The following AKAP9 variants were observed in gnomAD, a reference collection of about 807,000 sequenced individuals.
AKAP9 encodes the protein A-kinase anchoring protein 9.
A neutral mutation model predicts 488.5 loss-of-function variants in AKAP9; 311 were observed. The ratio of observed to expected loss-of-function variants is 0.64; its 90% CI spans 0.58 to 0.70. The LOEUF is 0.70. Ranked by LOEUF, AKAP9 falls within the 30% of genes least tolerant of loss-of-function variation. The probability of loss-of-function intolerance (pLI) is 0.00; values close to 1 mark genes in which losing one functional copy is unlikely to be tolerated. For missense variants in AKAP9, 4,215 were observed against 4,374.5 expected (o/e 0.96, Z 1.03); for synonymous variants, 1,462 against 1,483.5 (o/e 0.99, Z 0.33).
intron 3 of AKAP9, among the ~76,000 whole-genome samples, chr7:91,989,901 A>G (rs372789771): frequency 3.3e-5 from 5 of 152,184 alleles, no homozygotes; most frequent in East Asian, 1.9e-4. Flanking sequence ...CACCACAAGG[A>G]TGAGTTTTTA....
intron 8 of AKAP9, among the ~76,000 whole-genome samples, chr7:92,007,834 AT>A (rs2130687475): frequency 6.6e-6 from 1 of 152,354 alleles, no homozygotes; most frequent in Non-Finnish European, 1.5e-5. Flanking sequence ...AGTCAAGAAT[AT>A]TTTTGAAAAA....
At chr7:92,051,238 T>A (rs963113589) in intron 21 of AKAP9, among the ~76,000 whole-genome samples, 1 of 152,210 alleles carries the variant, frequency 6.6e-6, no homozygotes, top group Non-Finnish European at 1.5e-5. Flanking sequence ...GTTCCCATCG[T>A]ATCACACTGT....
chr7:91,972,908 T>C lies in AKAP9; in HGVS notation c.49-803T>C, dbSNP rs191031920. Among the ~76,000 whole-genome samples the C allele has an allele frequency of 3.9e-3, 583 of 150,398 alleles. 3 individuals are homozygous for C. The highest frequency in any genetic ancestry group is 0.014 in the African/African-American group (561 of 41,366). ...TGTTTGATATTTAAGTTATTTCCAG[T>C]TTTTTTTCCCATTATGAATAAGGCT... is the stretch of plus-strand genomic sequence containing the variant. On this transcript the variant is annotated intron_variant, in intron 1 of 49. Transcript: ENST00000356239.
chr7:92,033,751 C>G (rs1468424209), intron 16 of AKAP9, among the ~76,000 whole-genome samples: 1 of 152,110 alleles, frequency 6.6e-6, no homozygotes, highest in Non-Finnish European at 1.5e-5. Context: ...AATCATTTTT[C>G]TAAAAGCACA....
In AKAP9 at chr7:92,102,685, A is replaced by G. The variant is rs372297197; in HGVS notation, c.11189A>G (p.Gln3730Arg). 1.4e-5 allele frequency: 22 copies of G among 1,614,240 alleles called. 1 individual carries two copies. The highest frequency in any genetic ancestry group is 2.2e-5 in the East Asian group (1 of 44,878). Reference protein sequence around the residue: ...KYLLLLLGGFQECEDATLALL... With the variant: ...KYLLLLLGGFRECEDATLALL... ...CTGCTGCTGTTACTGGGTGGGTTCC[A>G]GGAATGTGAAGATGCCACCTTGGCC... The change falls in exon 46 of 50, where the codon CAG (glutamine) becomes CGG (arginine). Residue 3730 changes from glutamine (Q) to arginine (R), a missense_variant. By Grantham distance (43) the Gln-to-Arg change is conservative. This residue lies in a region of AKAP9 where 253 missense variants were observed against 266.8 expected (regional missense o/e 0.95). Coordinates refer to ENST00000356239, the MANE Select transcript of AKAP9 (RefSeq NM_005751.5).
chr7:91,964,009 C>T (rs1584604126), intron 1 of AKAP9, among the ~76,000 whole-genome samples: 1 of 151,910 alleles, frequency 6.6e-6, no homozygotes, highest in East Asian at 1.9e-4. Flanking sequence ...CTCAGAATGA[C>T]CAAAGAGCTC....
chr7:92,042,514 C>G (rs554939523), intron 19 of AKAP9, among the ~76,000 whole-genome samples, 154 bp from the exon 20 acceptor site: 3 of 152,140 alleles, frequency 2.0e-5, no homozygotes, highest in Non-Finnish European at 4.4e-5. Flanking sequence ...ACACTAATCT[C>G]GAGTGTAGTT....
At chr7:92,054,151 T>G (rs1808399971) in intron 22 of AKAP9, among the ~76,000 whole-genome samples, 1 of 152,192 alleles carries the variant, frequency 6.6e-6, no homozygotes, top group South Asian at 2.1e-4. Context: ...CTTCCATGGA[T>G]AGATGTTTAA....
chr7:92,005,869 A>G (rs558247187), intron 8 of AKAP9, among the ~76,000 whole-genome samples: 6 of 152,014 alleles, frequency 3.9e-5, no homozygotes, highest in Non-Finnish European at 4.4e-5. Flanking sequence ...AGGTTTCACC[A>G]TGTTGGCCAG....
chr7:92,098,305 C>T (rs1816962176), intron 43 of AKAP9, 91 bp downstream of exon 43: 2 of 721,266 alleles, frequency 2.8e-6, no homozygotes, highest in South Asian at 1.6e-5. Flanking sequence ...ATTCTTTATA[C>T]TCTTTATAGA....
intron 21 of AKAP9, 81 bp from the exon 22 acceptor site, chr7:92,052,645 T>G: frequency 1.0e-6 from 1 of 958,488 alleles, no homozygotes; most frequent in Non-Finnish European, 1.6e-6. Context: ...TGATTTCCAG[T>G]TTAGTTTGAT....
Position 92,061,307 on chromosome 7 carries a change from T to C in AKAP9, c.5649T>C (p.Phe1883=). 1.2e-6 allele frequency: 2 copies of C among 1,613,118 alleles called. No individual in the cohort carries two copies. The highest frequency in any genetic ancestry group is 1.7e-6 in the Non-Finnish European group (2 of 1,179,394). Residue 1883 remains phenylalanine (F), a synonymous_variant, in exon 23 of 50, where the codon TTT becomes TTC. Transcript: ENST00000356239. ...AGACAGAGTTGATGCGTGAGTCATTTAGACAGAAACAAGAAGCAACAGAGT... is the reference window on the plus strand; with the variant it reads ...AGACAGAGTTGATGCGTGAGTCATTCAGACAGAAACAAGAAGCAACAGAGT... ...VTQTELMRES[F]RQKQEATESL...
chr7:92,080,461 G>A (rs1008531074), intron 31 of AKAP9, among the ~76,000 whole-genome samples: 1 of 152,048 alleles, frequency 6.6e-6, no homozygotes, highest in African/African-American at 2.4e-5. Flanking sequence ...ATCCGGGCGT[G>A]GTGGTGGGTG....
intron 22 of AKAP9, among the ~76,000 whole-genome samples, chr7:92,055,989 G>C (rs1352202379): frequency 1.3e-5 from 2 of 151,846 alleles, no homozygotes; most frequent in Non-Finnish European, 2.9e-5. Context: ...ATGGAAGCAA[G>C]TTTTACATGC....
intron 21 of AKAP9, among the ~76,000 whole-genome samples, chr7:92,049,555 G>A (rs553044240): frequency 2.0e-5 from 3 of 152,128 alleles, no homozygotes; most frequent in Non-Finnish European, 4.4e-5. Flanking sequence ...AGCTTTCAGT[G>A]AGCGGAGATC....
chr7:92,046,667 G>A (rs1380509931), intron 21 of AKAP9, among the ~76,000 whole-genome samples: 1 of 152,136 alleles, frequency 6.6e-6, no homozygotes, highest in African/African-American at 2.4e-5. Context: ...CTTCACTCTT[G>A]GTTAAGCTCT....
chr7:92,077,092 C>CTTT lies in AKAP9; in HGVS notation c.6765+86_6765+88dup, dbSNP rs201649179. 2.9e-3 allele frequency: 883 copies of CTTT among 300,112 alleles called. 19 individuals are homozygous for CTTT. Among genetic ancestry groups the CTTT allele is most frequent in the African/African-American group, 5.3e-3 (173 of 32,668 alleles). 18.6% of individuals were successfully genotyped at this position (300,112 alleles called of 1,614,324 possible). On this transcript the variant is annotated intron_variant, in intron 29 of 49. Coordinates refer to ENST00000356239, the MANE Select transcript of AKAP9 (RefSeq NM_005751.5). ...TTTATTATTATTATTATTATTATTT[C>CTTT]TTTCTTTTTTTTTTTTTTTTTGAGA...
chr7:92,066,135 G>A (rs1176108428), intron 25 of AKAP9, among the ~76,000 whole-genome samples: 1 of 151,898 alleles, frequency 6.6e-6, no homozygotes, highest in African/African-American at 2.4e-5. Flanking sequence ...TTCATTTTAA[G>A]GTGAATATTT....
chr7:91,980,190 G>T, intron 2 of AKAP9, 99 bp from the exon 3 acceptor site: 2 of 642,392 alleles, frequency 3.1e-6, no homozygotes, highest in South Asian at 2.6e-5. Flanking sequence ...TATTTTATGT[G>T]ACTTTTCTAT....
Sources: gnomAD v4.1 joint callset for allele counts (sites outside exome capture counted in the v4.1 genomes callset) on GRCh38, gnomAD v4.1.1 for gene constraint, gnomAD v4.1.1 regional missense constraint, MANE v1.5 for transcripts, NCBI Gene and HGNC (gene_info 2026-07-23, HGNC 2026-07-21) for gene names.